PCLO: variants seen among roughly 807,000 people sequenced by gnomAD.
PCLO encodes the protein piccolo presynaptic cytomatrix protein.
PCLO carries 82 observed loss-of-function variants against 427.5 expected under a neutral mutation model. That is an observed-to-expected ratio of 0.19 (90% CI 0.16 to 0.23). The LOEUF is 0.23. PCLO is among the 10% of genes least tolerant of loss of function. The probability of loss-of-function intolerance (pLI) is 1.00; values close to 1 mark genes in which losing one functional copy is unlikely to be tolerated. For synonymous variants in PCLO, 2,357 were observed against 2,155.4 expected (o/e 1.09, Z -2.59); for missense variants, 6,239 against 6,115.9 (o/e 1.02, Z -0.67).
chr7:83,144,240 G>A (rs1468871256), intron 2 of PCLO, among the ~76,000 whole-genome samples: 1 of 152,106 alleles, frequency 6.6e-6, no homozygotes. Flanking sequence ...TGACCAACAT[G>A]GTGAAACCCT....
At chr7:82,845,544 G>T (rs1562814797) in intron 12 of PCLO, 59 bp from the exon 13 acceptor site, 1 of 1,147,606 alleles carries the variant, frequency 8.7e-7, no homozygotes, top group South Asian at 1.3e-5. Flanking sequence ...TTTATACCAT[G>T]GAACTATGTG....
At chr7:83,125,276 C>T (rs903254530) in intron 3 of PCLO, among the ~76,000 whole-genome samples, 9 of 151,382 alleles carry the variant, frequency 5.9e-5, no homozygotes, top group African/African-American at 1.9e-4. Flanking sequence ...AGTGGGGAGC[C>T]CCTCCGCCCG....
chr7:82,778,705 T>C (rs575813580), intron 22 of PCLO, among the ~76,000 whole-genome samples: 1 of 152,232 alleles, frequency 6.6e-6, no homozygotes, highest in South Asian at 2.1e-4. Flanking sequence ...TTTTTTTCCA[T>C]GTAGGCAACC....
Position 82,950,838 on chromosome 7 carries a change from C to T in PCLO, c.9750G>A (p.Lys3250=), listed in dbSNP as rs1795324479. Reference sequence around the variant, plus strand: ...CCTCCAACTTTTTCTGAACCATGATCTTTTCTTGTTCTCGGAACCTTTGAA... The same window carrying T: ...CCTCCAACTTTTTCTGAACCATGATTTTTTCTTGTTCTCGGAACCTTTGAA... ...QEIQRFREQE[K]IMVQKKLEEL... Residue 3250 remains lysine (K), a synonymous_variant, in exon 6 of 25, where the codon AAG becomes AAA. Transcript: ENST00000333891. The T allele has an allele frequency of 6.2e-7, 1 of 1,613,612 alleles. No homozygotes were observed. Among genetic ancestry groups the T allele is most frequent in the South Asian group, 1.1e-5 (1 of 91,090 alleles).
In PCLO at chr7:82,981,701, T is replaced by C. The variant is rs554126122; in HGVS notation, c.3301-15214A>G. ...TTTTACTTGTATTTAGGTATGTGCC[T>C]ATACTTAAAAAAAGGAGTTATGATG... On this transcript the variant is annotated intron_variant, in intron 3 of 24. Transcript: ENST00000333891. 2.4e-3 allele frequency among the ~76,000 whole-genome samples: 373 copies of C among 152,280 alleles called. 1 individual carries two copies. Among genetic ancestry groups the C allele is most frequent in the African/African-American group, 8.6e-3 (356 of 41,562 alleles).
intron 3 of PCLO, among the ~76,000 whole-genome samples, chr7:83,114,266 T>C (rs1791077060): frequency 6.6e-6 from 1 of 151,986 alleles, no homozygotes. Flanking sequence ...ATTGTACAAA[T>C]AAACAGGGAA....
intron 9 of PCLO, among the ~76,000 whole-genome samples, chr7:82,888,837 A>T (rs1262789092): frequency 1.3e-5 from 2 of 152,110 alleles, no homozygotes; most frequent in East Asian, 3.9e-4. Context: ...TAAGTCACTG[A>T]AAGGAAAGAA....
At chr7:82,800,032 C>T (rs983844184) in intron 22 of PCLO, among the ~76,000 whole-genome samples, 9 of 151,954 alleles carry the variant, frequency 5.9e-5, no homozygotes, top group Admixed American at 5.9e-4. Context: ...TGGGACTAAT[C>T]AACATATAAG....
intron 3 of PCLO, among the ~76,000 whole-genome samples, chr7:83,131,166 G>A (rs1791561708): frequency 6.6e-6 from 1 of 152,058 alleles, no homozygotes; most frequent in Admixed American, 6.6e-5. Context: ...TCCAATACAA[G>A]GTATTTTCTG....
chr7:83,162,445 C>G lies in PCLO; in HGVS notation c.148G>C (p.Glu50Gln), dbSNP rs752667654. ...GMEADLSQLSEEERRQIAAVM... is the reference protein window; with the variant it reads ...GMEADLSQLSQEERRQIAAVM... ...GCGGCGATCTGTCTCCTCTCCTCTT[C>G]GCTCAGCTGGCTCAAATCCGCCTCC... Residue 50 changes from glutamate to glutamine, a missense_variant, in exon 1 of 25, where the codon GAA becomes CAA. By Grantham distance (29) the Glu-to-Gln change is conservative. This residue lies in a region of PCLO where 4,677 missense variants were observed against 4,468.4 expected (regional missense o/e 1.05). Coordinates refer to ENST00000333891, the MANE Select transcript of PCLO (RefSeq NM_033026.6). 1 of 1,595,020 alleles carries G rather than the reference C, an allele frequency of 6.3e-7. No individual in the cohort carries two copies. Among genetic ancestry groups the G allele is most frequent in the Admixed American group, 1.7e-5 (1 of 57,596 alleles).
At chr7:83,067,754 T>C (rs760981347) in intron 3 of PCLO, among the ~76,000 whole-genome samples, 1 of 152,230 alleles carries the variant, frequency 6.6e-6, no homozygotes, top group African/African-American at 2.4e-5. Flanking sequence ...AGATGCATCA[T>C]CTTTATACCT....
At chr7:82,883,293 A>G (rs1584097295) in intron 9 of PCLO, among the ~76,000 whole-genome samples, 1 of 151,314 alleles carries the variant, frequency 6.6e-6, no homozygotes, top group Non-Finnish European at 1.5e-5. Flanking sequence ...ATTTTTATGT[A>G]GTTTACACAT....
chr7:82,985,847 A>T (rs1225538576), intron 3 of PCLO, among the ~76,000 whole-genome samples: 2 of 151,326 alleles, frequency 1.3e-5, no homozygotes, highest in Non-Finnish European at 2.9e-5. Context: ...TCAACCAGGT[A>T]ATTAAAATTA....
intron 3 of PCLO, among the ~76,000 whole-genome samples, chr7:82,993,050 C>T (rs1796413256): frequency 6.6e-6 from 1 of 151,956 alleles, no homozygotes; most frequent in Non-Finnish European, 1.5e-5. Flanking sequence ...TTTAGAGTCA[C>T]TAAACATTGT....
At chr7:82,946,218 CAG>C (rs1276701490) in intron 6 of PCLO, among the ~76,000 whole-genome samples, 4 of 152,088 alleles carry the variant, frequency 2.6e-5, no homozygotes, top group Non-Finnish European at 5.9e-5. Context: ...GATAAGCAGC[CAG>C]AGTCTTTTCA....
intron 10 of PCLO, among the ~76,000 whole-genome samples, chr7:82,865,836 A>G (rs1321971721): frequency 3.9e-5 from 6 of 152,142 alleles, no homozygotes; most frequent in Non-Finnish European, 8.8e-5. Flanking sequence ...CTTAACTTAC[A>G]TAGGTTCTTA....
In PCLO at chr7:82,916,792, TCTC is replaced by T. The variant is rs779951758; in HGVS notation, c.11191_11193del (p.Glu3731del). 9.9e-6 allele frequency: 16 copies of T among 1,613,518 alleles called. No homozygotes were observed. Among genetic ancestry groups the T allele is most frequent in the Middle Eastern group, 1.6e-4 (1 of 6,080 alleles). On this transcript the variant is annotated inframe_deletion, in exon 7 of 25. Transcript: ENST00000333891. The stretch of plus-strand genomic sequence containing the variant: ...AATGTGGATTGAGTTCCTGTGGAAA[TCTC>T]CTCAGGAGGTGGATTTGGCAGAGTT...
chr7:82,825,676 G>T (rs112060208), intron 18 of PCLO, among the ~76,000 whole-genome samples: 1 of 146,698 alleles, frequency 6.8e-6, no homozygotes, highest in South Asian at 2.1e-4. Context: ...TATATATAAC[G>T]TGTATATATA....
chr7:83,034,058 A>G (rs528315522), intron 3 of PCLO, among the ~76,000 whole-genome samples: 41 of 152,314 alleles, frequency 2.7e-4, no homozygotes, highest in African/African-American at 8.2e-4. Flanking sequence ...AGAATTATAA[A>G]TTGAGAATGA....
Sources: gnomAD v4.1 joint callset for allele counts (sites outside exome capture counted in the v4.1 genomes callset) on GRCh38, gnomAD v4.1.1 for gene constraint, gnomAD v4.1.1 regional missense constraint, MANE v1.5 for transcripts, NCBI Gene and HGNC (gene_info 2026-07-23, HGNC 2026-07-21) for gene names.